Variants in TTC21A observed in about 807,000 individuals in gnomAD.
The protein encoded by TTC21A is tetratricopeptide repeat protein 21A.
Under a neutral mutation model 156.4 loss-of-function variants are expected in TTC21A, and 128 were observed. The observed-to-expected ratio is 0.82, with a 90% CI of 0.71 to 0.95. The LOEUF (loss-of-function observed/expected upper bound fraction) is 0.95, where lower values mean the gene tolerates loss of function less well. Among genes scored for constraint, TTC21A ranks in the 40% least tolerant of loss-of-function variants. The pLI is 0.00. For missense variants in TTC21A, 1,435 were observed against 1,602.3 expected (o/e 0.90, Z 1.78); for synonymous variants, 587 against 617.1 (o/e 0.95, Z 0.72).
chr3:39,123,456 G>A (rs1414582649), intron 9 of TTC21A, among the ~76,000 whole-genome samples: 9 of 152,154 alleles, frequency 5.9e-5, no homozygotes, highest in Non-Finnish European at 1.2e-4. Context: ...GATGTAACAG[G>A]CCTTATTTCA....
At position 39,136,943 on chromosome 3, in the gene TTC21A, C is replaced by A. The variant is rs755532869; in HGVS notation, c.3140C>A (p.Ala1047Glu). ...GAAGCCTTAAAGTTCCTGAACAAGGCACGCAAGGACAGCACTTGGGGCCAG... is the reference window on the plus strand; with the variant it reads ...GAAGCCTTAAAGTTCCTGAACAAGGAACGCAAGGACAGCACTTGGGGCCAG... ...PNEALKFLNK[A>E]RKDSTWGQSA... Residue 1047 changes from alanine (A) to glutamate (E), a missense_variant, in exon 24 of 29, where the codon GCA (alanine) becomes GAA (glutamate). Physicochemically the swap from Ala to Glu is moderately radical, Grantham distance 107. Transcript: ENST00000683103. 2 of 1,614,144 alleles carry A rather than the reference C, an allele frequency of 1.2e-6. No homozygotes were observed. The highest frequency in any genetic ancestry group is 1.7e-5 in the Admixed American group (1 of 60,014).
intron 12 of TTC21A, 119 bp from the exon 13 acceptor site, chr3:39,128,212 A>T (rs2038423421): frequency 5.8e-6 from 7 of 1,199,856 alleles, no homozygotes; most frequent in Non-Finnish European, 8.3e-6. Flanking sequence ...AACTGGCTAA[A>T]ATACTCAATT....
chr3:39,130,010 A>C lies in TTC21A; in HGVS notation c.2136-69A>C, dbSNP rs2038599922. On this transcript the variant is annotated intron_variant, in intron 15 of 28. Coordinates refer to ENST00000683103, the MANE Select transcript of TTC21A (RefSeq NM_001366900.1). The surrounding 1 kb of genome is among the most constrained non-coding windows in gnomAD (Gnocchi z 4.5). ...GCCAGAATCAGTGGGAAGGAAGTGA[A>C]GGAGATGATTTCAGGAACATGAGGT... is the stretch of plus-strand genomic sequence containing the variant. 11 of 1,438,810 alleles carry C rather than the reference A, an allele frequency of 7.6e-6. No homozygotes were observed. The highest frequency in any genetic ancestry group is 2.3e-5 in the East Asian group (1 of 43,566). The allele number at this position is 1,438,810 out of a possible 1,614,324, so 89.1% of individuals were successfully genotyped here. A position where few individuals can be genotyped will look rare whatever the true frequency, so the allele number is the denominator to read the frequency against.
At chr3:39,120,057 C>A in intron 8 of TTC21A, 37 bp downstream of exon 8, 1 of 1,437,014 alleles carries the variant, frequency 7.0e-7, no homozygotes, top group Non-Finnish European at 9.8e-7. Context: ...AATGGTGCTT[C>A]TCCCTGCTTT....
At chr3:39,124,847 G>A (rs185049937) in intron 9 of TTC21A, among the ~76,000 whole-genome samples, 50 of 152,184 alleles carry the variant, frequency 3.3e-4, no homozygotes, top group Middle Eastern at 6.8e-3. Flanking sequence ...CATTGTTACA[G>A]CCAGAACATG....
At chr3:39,128,628 C>T in intron 13 of TTC21A, 89 bp from the exon 14 acceptor site, 1 of 1,556,940 alleles carries the variant, frequency 6.4e-7, no homozygotes, top group South Asian at 1.2e-5. Flanking sequence ...GCTCAGTGGG[C>T]TCCTGAGGCT....
At position 39,128,381 on chromosome 3, in the gene TTC21A, C is replaced by T. The variant is rs758281043; in HGVS notation, c.1573C>T (p.Pro525Ser). The T allele has an allele frequency of 9.3e-6, 15 of 1,614,164 alleles. No individual in the cohort carries two copies. The South Asian group carries it at 1.3e-4, about 14-fold the overall frequency. ...CCTGCAGCGTTGCCTGGAGCTGGAC[C>T]CCGCCTCCGTGGATGCCCATCTCCT... ...SILQRCLELD[P>S]ASVDAHLLMC... Residue 525 changes from proline (P) to serine (S), a missense_variant, in exon 13 of 29, where the codon CCC (proline) becomes TCC (serine). Transcript: ENST00000683103.
At position 39,133,035 on chromosome 3, in the gene TTC21A, T is replaced by G. The variant is rs771035343; in HGVS notation, c.2563-17T>G. 1 of 1,613,796 alleles carries G rather than the reference T, an allele frequency of 6.2e-7. No homozygotes were observed. Among genetic ancestry groups the G allele is most frequent in the Non-Finnish European group, 8.5e-7 (1 of 1,179,882 alleles). On this transcript the variant is annotated splice_polypyrimidine_tract_variant and intron_variant, in intron 19 of 28. Coordinates refer to ENST00000683103, the MANE Select transcript of TTC21A (RefSeq NM_001366900.1). The stretch of plus-strand genomic sequence containing the variant: ...CAGGCTCTGAGTTTCTGATCCTGGC[T>G]TGATTGGTTTCTCGAGGCCTTGGAC...
At chr3:39,132,990 C>A in intron 19 of TTC21A, 62 bp from the exon 20 acceptor site, 1 of 1,568,156 alleles carries the variant, frequency 6.4e-7, no homozygotes, top group Non-Finnish European at 8.7e-7. Flanking sequence ...GAACTTAGGA[C>A]TTTCTGTGAA....
At chr3:39,126,540 TACGC>T (rs139641735) in intron 12 of TTC21A, 150 bp downstream of exon 12, 3 of 770,650 alleles carry the variant, frequency 3.9e-6, no homozygotes, top group South Asian at 1.7e-5. Context: ...CCTGGGGTAC[TACGC>T]ACACACACAC....
In TTC21A at chr3:39,111,157, A is replaced by G; in HGVS notation, c.435+140A>G. The G allele has an allele frequency of 3.4e-6, 3 of 882,562 alleles. No homozygotes were observed. The East Asian group carries it at 7.8e-5, about 23-fold the overall frequency. The allele number at this position is 882,562 out of a possible 1,614,324, so 54.7% of individuals were successfully genotyped here. Reference sequence around the variant, plus strand: ...GCACTGGCAAAACACCGGGTCTCACAGTTGCCCCACGCGTGTTGTCTCTGG... The same window carrying G: ...GCACTGGCAAAACACCGGGTCTCACGGTTGCCCCACGCGTGTTGTCTCTGG... On this transcript the variant is annotated intron_variant, in intron 4 of 28. Transcript: ENST00000683103.
In TTC21A at chr3:39,109,074, C is replaced by G. The variant is rs1445599541; in HGVS notation, c.28-11C>G. The G allele has an allele frequency of 6.2e-7, 1 of 1,612,666 alleles. No individual in the cohort carries two copies. Among genetic ancestry groups the G allele is most frequent in the Non-Finnish European group, 8.5e-7 (1 of 1,178,836 alleles). On this transcript the variant is annotated splice_polypyrimidine_tract_variant and intron_variant, in intron 1 of 28. Transcript: ENST00000683103. The stretch of plus-strand genomic sequence containing the variant: ...GACTGGGCTATTGCAGTTATGTCTT[C>G]CTTCATACAGGCTGGGATCATTTAC...
chr3:39,110,905 T>C lies in TTC21A; in HGVS notation c.323T>C (p.Val108Ala). Residue 108 changes from valine (V) to alanine (A), a missense_variant, in exon 4 of 29, where the codon GTC becomes GCC. Transcript: ENST00000683103. ...EYSLKEIRKTVSGTALYYAGL... is the reference protein window; with the variant it reads ...EYSLKEIRKTASGTALYYAGL... ...AGCCTGAAGGAAATACGCAAGACAG[T>C]CAGTGGGACTGCACTGTACTATGCT... The C allele has an allele frequency of 6.2e-7, 1 of 1,614,086 alleles. No homozygotes were observed. The highest frequency in any genetic ancestry group is 8.5e-7 in the Non-Finnish European group (1 of 1,180,020).
Position 39,107,869 on chromosome 3 carries a change from G to T in TTC21A, c.27+5G>T, listed in dbSNP as rs771320671. 1.2e-6 allele frequency: 2 copies of T among 1,612,728 alleles called. No individual in the cohort carries two copies. Among genetic ancestry groups the T allele is most frequent in the South Asian group, 2.2e-5 (2 of 91,072 alleles). ...AGCAATGACTCCTCCCTTATGGTGC[G>T]TGGCCCGGGCGCTGTCCGAGGGCTC... On this transcript the variant is annotated splice_donor_5th_base_variant and intron_variant, in intron 1 of 28. Coordinates refer to ENST00000683103, the MANE Select transcript of TTC21A (RefSeq NM_001366900.1).
At chr3:39,127,899 A>G (rs2038400086) in intron 12 of TTC21A, among the ~76,000 whole-genome samples, 1 of 152,272 alleles carries the variant, frequency 6.6e-6, no homozygotes, top group Non-Finnish European at 1.5e-5. Flanking sequence ...TGGGCAAGTA[A>G]TAAATCAGAC....
chr3:39,113,592 A>T (rs1288014441), intron 5 of TTC21A, among the ~76,000 whole-genome samples: 1 of 152,110 alleles, frequency 6.6e-6, no homozygotes, highest in Non-Finnish European at 1.5e-5. Context: ...CCTGCTCCTG[A>T]TGGTAGGGGG....
intron 6 of TTC21A, among the ~76,000 whole-genome samples, chr3:39,117,037 C>G (rs2037352513): frequency 6.6e-6 from 1 of 152,098 alleles, no homozygotes; most frequent in Admixed American, 6.5e-5. Flanking sequence ...GGATGCCTGT[C>G]TCAACCATTC....
chr3:39,128,522 G>GC, intron 13 of TTC21A, 34 bp downstream of exon 13: 1 of 1,612,924 alleles, frequency 6.2e-7, no homozygotes, highest in Non-Finnish European at 8.5e-7. Context: ...GCATCCCAAA[G>GC]CCCAGCTAGC....
intron 5 of TTC21A, among the ~76,000 whole-genome samples, chr3:39,113,032 T>C (rs1178758375): frequency 6.6e-6 from 1 of 152,200 alleles, no homozygotes; most frequent in Admixed American, 6.5e-5. Flanking sequence ...GATCTTAAGT[T>C]TCTTTTTTCT....
Sources: allele counts gnomAD v4.1 joint callset (sites outside exome capture counted in the v4.1 genomes callset), GRCh38; gene constraint gnomAD v4.1.1; non-coding constraint Gnocchi (gnomAD v3.1); transcripts MANE v1.5; gene names NCBI Gene and HGNC (gene_info 2026-07-23, HGNC 2026-07-21).